C10orf143: variants seen among roughly 807,000 people sequenced by gnomAD.
C10orf143 encodes the protein uncharacterized protein C10orf143.
chr10:130,046,101 GCGGGGCGTGGGA>G (rs1207628130), intron 3 of C10orf143, among the ~76,000 whole-genome samples: 6 of 151,620 alleles, frequency 4.0e-5, no homozygotes, highest in Non-Finnish European at 7.4e-5. Flanking sequence ...TGGGGATGGG[GCGGGGCGTGGGA>G]CGGGGCGTGG....
chr10:130,106,073 C>G (rs771795742), intron 1 of C10orf143: 1 of 590,254 alleles, frequency 1.7e-6, no homozygotes, highest in African/African-American at 1.8e-5. Context: ...TACCCCTCAG[C>G]GGTACTTGGG....
intron 3 of C10orf143, among the ~76,000 whole-genome samples, chr10:130,049,323 T>C (rs1171718): frequency 0.77 from 117,055 of 152,244 alleles, 45,339 homozygotes; most frequent in Admixed American, 0.83. Context: ...GAGGGAACAC[T>C]GTGCAGGGGC....
intron 1 of C10orf143, chr10:130,106,772 A>C: frequency 2.4e-6 from 3 of 1,242,750 alleles, no homozygotes; most frequent in Non-Finnish European, 3.6e-6. Context: ...TAATAAACAG[A>C]AAATAACATT....
intron 1 of C10orf143, among the ~76,000 whole-genome samples, chr10:130,098,017 T>TAA (rs59790850): frequency 1.0e-3 from 151 of 146,784 alleles, no homozygotes; most frequent in Admixed American, 1.3e-3. Flanking sequence ...ATTACACACT[T>TAA]AAAAAAAAAA....
chr10:130,073,994 C>T (rs1224380410), intron 3 of C10orf143, among the ~76,000 whole-genome samples: 1 of 152,126 alleles, frequency 6.6e-6, no homozygotes, highest in Non-Finnish European at 1.5e-5. Flanking sequence ...TAAATCAGCC[C>T]TGTGTCTTAG....
chr10:130,046,195 G>A (rs1860669938), intron 3 of C10orf143, among the ~76,000 whole-genome samples: 1 of 151,800 alleles, frequency 6.6e-6, no homozygotes. Context: ...AGTGGGGCGC[G>A]GGGCGTGGCG....
At chr10:130,071,653 G>A (rs1312026006) in intron 3 of C10orf143, among the ~76,000 whole-genome samples, 1 of 151,982 alleles carries the variant, frequency 6.6e-6, no homozygotes, top group African/African-American at 2.4e-5. Context: ...TTGAGACACA[G>A]TTTCACTCTT....
chr10:130,039,313 C>A lies in C10orf143; in HGVS notation c.298-3343G>T, dbSNP rs1329041031. 2.0e-5 allele frequency among the ~76,000 whole-genome samples: 3 copies of A among 152,114 alleles called. No individual in the cohort carries two copies. In the East Asian group the frequency reaches 5.8e-4, roughly 29 times the overall value. Reference sequence around the variant, plus strand: ...ACTCTGCTGTCTGCAAGCCGGAGGCCGAGGACCACCGGTGGTGCTTTCCAG... The same window carrying A: ...ACTCTGCTGTCTGCAAGCCGGAGGCAGAGGACCACCGGTGGTGCTTTCCAG... On this transcript the variant is annotated intron_variant and NMD_transcript_variant, in intron 3 of 5. Transcript: ENST00000643056.
At chr10:130,098,180 G>A (rs1008256817) in intron 1 of C10orf143, among the ~76,000 whole-genome samples, 1 of 151,904 alleles carries the variant, frequency 6.6e-6, no homozygotes, top group African/African-American at 2.4e-5. Flanking sequence ...AAAATCAGCT[G>A]GGCATGGTGG....
chr10:130,086,285 G>T (rs540858459), intron 1 of C10orf143, among the ~76,000 whole-genome samples: 1 of 152,030 alleles, frequency 6.6e-6, no homozygotes, highest in Non-Finnish European at 1.5e-5. Context: ...CATTCCTGGG[G>T]CTTATTAAGT....
chr10:130,103,828 A>C (rs1861597063), intron 1 of C10orf143, among the ~76,000 whole-genome samples: 1 of 151,714 alleles, frequency 6.6e-6, no homozygotes. Context: ...AACAAAAAAA[A>C]AAGCTAGAAA....
intron 1 of C10orf143, among the ~76,000 whole-genome samples, chr10:130,087,292 G>A (rs147040458): frequency 5.0e-4 from 76 of 152,268 alleles, no homozygotes; most frequent in African/African-American, 1.6e-3. Flanking sequence ...GTCAGCCTTC[G>A]CAAAGGCAGA....
intron 1 of C10orf143, chr10:130,108,047 C>G: frequency 1.4e-6 from 2 of 1,480,492 alleles, no homozygotes; most frequent in Non-Finnish European, 1.9e-6. Flanking sequence ...CAAAGATGAT[C>G]TTGGTAATTT....
chr10:130,044,675 G>A (rs189605461), intron 3 of C10orf143, among the ~76,000 whole-genome samples: 7 of 152,264 alleles, frequency 4.6e-5, no homozygotes, highest in Admixed American at 4.6e-4. Context: ...TGATGGAAGG[G>A]GTGCGTGCAA....
At chr10:130,038,875 G>A (rs1266818041) in intron 3 of C10orf143, among the ~76,000 whole-genome samples, 1 of 152,208 alleles carries the variant, frequency 6.6e-6, no homozygotes, top group Non-Finnish European at 1.5e-5. Context: ...CAAGGCCGGA[G>A]GGAGTGATGG....
intron 3 of C10orf143, among the ~76,000 whole-genome samples, chr10:130,043,673 C>T (rs559035478): frequency 1.3e-5 from 2 of 152,370 alleles, no homozygotes; most frequent in South Asian, 2.1e-4. Context: ...TCAGACATGC[C>T]TTTTCCTGTG....
chr10:130,080,646 G>A (rs552022376), intron 1 of C10orf143, among the ~76,000 whole-genome samples: 5 of 152,218 alleles, frequency 3.3e-5, no homozygotes, highest in African/African-American at 4.8e-5. Context: ...AAGAGGCCCC[G>A]CTGCTGGACA....
intron 1 of C10orf143, among the ~76,000 whole-genome samples, chr10:130,088,956 G>T (rs539029494): frequency 1.3e-5 from 2 of 152,264 alleles, no homozygotes; most frequent in African/African-American, 4.8e-5. Flanking sequence ...TTACCAACAG[G>T]ATCTTAACAT....
intron 1 of C10orf143, among the ~76,000 whole-genome samples, chr10:130,093,966 T>C (rs1207890737): frequency 2.0e-5 from 3 of 149,228 alleles, no homozygotes; most frequent in Non-Finnish European, 4.4e-5. Context: ...GCCAAGATCG[T>C]GCCACTGTAC....
Sources: gnomAD v4.1 joint callset for allele counts (sites outside exome capture counted in the v4.1 genomes callset) on GRCh38, gnomAD v4.1.1 for gene constraint, MANE v1.5 for transcripts, NCBI Gene and HGNC (gene_info 2026-07-23, HGNC 2026-07-21) for gene names.